TRPM3: variants seen among roughly 807,000 people sequenced by gnomAD.
The protein encoded by TRPM3 is long transient receptor potential channel 3.
Under a neutral mutation model 181.2 loss-of-function variants are expected in TRPM3, and 77 were observed. The ratio of observed to expected loss-of-function variants is 0.42; its 90% CI spans 0.35 to 0.51. The LOEUF (loss-of-function observed/expected upper bound fraction) is 0.51, where lower values mean the gene tolerates loss of function less well. Among genes scored for constraint, TRPM3 ranks in the 20% least tolerant of loss-of-function variants. The pLI is 0.01. For missense variants in TRPM3, 1,759 were observed against 2,196.7 expected, an observed-to-expected ratio of 0.80 and a Z score of 3.98; for synonymous variants, 745 against 796.4, an observed-to-expected ratio of 0.94 and a Z score of 1.09.
chr9:71,304,007 AATAT>A (rs1422553227), intron 1 of TRPM3, among the ~76,000 whole-genome samples: 2 of 151,586 alleles, frequency 1.3e-5, no homozygotes, highest in Admixed American at 6.5e-5. Context: ...GTACACAATA[AATAT>A]ATAGTTTTTG....
At chr9:70,966,866 A>G (rs1028427855) in intron 1 of TRPM3, among the ~76,000 whole-genome samples, 5 of 152,114 alleles carry the variant, frequency 3.3e-5, no homozygotes, top group African/African-American at 9.7e-5. Flanking sequence ...AAACCTGCAC[A>G]TGTATCCCTG....
At chr9:71,192,339 T>C (rs2078082472) in intron 1 of TRPM3, among the ~76,000 whole-genome samples, 1 of 151,752 alleles carries the variant, frequency 6.6e-6, no homozygotes, top group African/African-American at 2.4e-5. Context: ...TGAAAGCAAT[T>C]TGGCAATTTA....
At chr9:71,121,633 C>T, upstream of TRPM3, 1 of 1,184,004 alleles carries the variant, frequency 8.4e-7, no homozygotes, top group Non-Finnish European at 1.0e-6. Flanking sequence ...CGCGCTCCCT[C>T]TCCCGCTCTC....
At chr9:70,622,612 A>G (rs1385544820) in intron 14 of TRPM3, among the ~76,000 whole-genome samples, 2 of 152,244 alleles carry the variant, frequency 1.3e-5, no homozygotes, top group African/African-American at 4.8e-5. Context: ...GCACAGGCTG[A>G]GTCGGAGAGA....
At chr9:70,634,222 G>C (rs1357600343) in intron 12 of TRPM3, among the ~76,000 whole-genome samples, 1 of 152,084 alleles carries the variant, frequency 6.6e-6, no homozygotes, top group Admixed American at 6.6e-5. Context: ...TGATTCTCCT[G>C]CCTCAGCCTC....
chr9:71,063,664 A>C (rs1479530718), intron 1 of TRPM3, among the ~76,000 whole-genome samples: 1 of 152,080 alleles, frequency 6.6e-6, no homozygotes, highest in Non-Finnish European at 1.5e-5. Flanking sequence ...TTCAGTAGAC[A>C]AAGATGGCTG....
At position 70,614,445 on chromosome 9, in the gene TRPM3, A is replaced by C. The variant is rs545981361; in HGVS notation, c.2526+1463T>G. Among the ~76,000 whole-genome samples, 5 of 152,242 alleles carry C rather than the reference A, an allele frequency of 3.3e-5. No individual in the cohort carries two copies. The South Asian group carries it at 1.0e-3, about 32-fold the overall frequency. On this transcript the variant is annotated intron_variant, in intron 18 of 25. Transcript: ENST00000677713. ...AATCCCATTGAGGTTACAATGAGCT[A>C]TAATCACACCATTTTACTCCAGCCT...
chr9:71,384,784 A>G (rs2092888996), intron 1 of TRPM3, among the ~76,000 whole-genome samples: 1 of 152,176 alleles, frequency 6.6e-6, no homozygotes, highest in Admixed American at 6.6e-5. Flanking sequence ...AGAATAATTT[A>G]TTTTGACAGA....
chr9:70,951,093 T>C (rs2096993039), intron 1 of TRPM3, among the ~76,000 whole-genome samples: 1 of 152,150 alleles, frequency 6.6e-6, no homozygotes, highest in African/African-American at 2.4e-5. Context: ...AGTGACAGAA[T>C]TCTATTATTA....
At chr9:71,048,454 C>T (rs2133112631) in intron 1 of TRPM3, among the ~76,000 whole-genome samples, 1 of 152,338 alleles carries the variant, frequency 6.6e-6, no homozygotes, top group South Asian at 2.1e-4. Flanking sequence ...ACTTGACTCA[C>T]TGGACATGCA....
intron 8 of TRPM3, among the ~76,000 whole-genome samples, chr9:70,750,432 C>A (rs1008531789): frequency 6.6e-6 from 1 of 152,134 alleles, no homozygotes; most frequent in Non-Finnish European, 1.5e-5. Flanking sequence ...ACTATCTGAG[C>A]AAATAAGTTA....
chr9:71,286,973 TA>T (rs200546956), intron 1 of TRPM3, among the ~76,000 whole-genome samples: 1 of 97,230 alleles, frequency 1.0e-5, no homozygotes, highest in Non-Finnish European at 2.2e-5. Flanking sequence ...ATATATAATA[TA>T]ATTATATTAT....
Position 70,536,326 on chromosome 9 carries a change from G to C in TRPM3, c.4787C>G (p.Pro1596Arg). 1.2e-6 allele frequency: 2 copies of C among 1,614,130 alleles called. No individual in the cohort carries two copies. Among genetic ancestry groups the C allele is most frequent in the South Asian group, 1.1e-5 (1 of 91,080 alleles). The part of the protein sequence containing the change: ...DKVEDLTCCH[P>R]EREAELSHPS... The stretch of plus-strand genomic sequence containing the variant: ...GTGACTCAGTTCTGCTTCTCGCTCT[G>C]GATGGCAGCAAGTTAAGTCCTCCAC... The change falls in exon 26 of 26, where the codon CCA becomes CGA. Residue 1596 changes from proline to arginine, a missense_variant. Around this residue, in one of 8 missense-constraint regions of TRPM3, gnomAD observed 612 missense variants for 590.0 expected, o/e 1.04. Coordinates refer to ENST00000677713, the MANE Select transcript of TRPM3 (RefSeq NM_001366145.2).
At chr9:71,195,397 A>G (rs1161569236) in intron 1 of TRPM3, among the ~76,000 whole-genome samples, 1 of 152,052 alleles carries the variant, frequency 6.6e-6, no homozygotes, top group African/African-American at 2.4e-5. Context: ...GCAAAGCTCA[A>G]TATCACTGTA....
chr9:70,657,335 T>G (rs1030703151), intron 9 of TRPM3, among the ~76,000 whole-genome samples: 2 of 151,876 alleles, frequency 1.3e-5, no homozygotes, highest in African/African-American at 4.8e-5. Flanking sequence ...CATCTCACTA[T>G]TTTTGCTTTT....
At chr9:71,292,206 A>G (rs747007315) in intron 1 of TRPM3, among the ~76,000 whole-genome samples, 22 of 152,100 alleles carry the variant, frequency 1.4e-4, no homozygotes, top group Non-Finnish European at 2.5e-4. Flanking sequence ...CCGCACTTAG[A>G]AGAAAGGTAG....
chr9:70,748,373 C>G (rs953617378), intron 8 of TRPM3, among the ~76,000 whole-genome samples: 1 of 152,124 alleles, frequency 6.6e-6, no homozygotes, highest in Non-Finnish European at 1.5e-5. Flanking sequence ...TTTAGCTTCT[C>G]ATGTTGTATG....
intron 5 of TRPM3, among the ~76,000 whole-genome samples, chr9:70,842,156 A>T (rs10868904): frequency 0.57 from 86,112 of 151,798 alleles, 24,781 homozygotes; most frequent in Non-Finnish European, 0.58. Context: ...AAAACTGAGA[A>T]GAAAGTGTCT....
intron 1 of TRPM3, among the ~76,000 whole-genome samples, chr9:71,426,055 T>C (rs1439429357): frequency 6.6e-6 from 1 of 152,180 alleles, no homozygotes; most frequent in Non-Finnish European, 1.5e-5. Flanking sequence ...CCAGTTATTT[T>C]ATGCCACTGC....
Sources: allele counts gnomAD v4.1 joint callset (sites outside exome capture counted in the v4.1 genomes callset), GRCh38; gene constraint gnomAD v4.1.1; regional missense constraint gnomAD v4.1.1; transcripts MANE v1.5; gene names NCBI Gene and HGNC (gene_info 2026-07-23, HGNC 2026-07-21).